The following TRPC3 variants were observed in gnomAD, a reference collection of about 807,000 sequenced individuals.
The protein encoded by TRPC3 is transient receptor potential cation channel subfamily C member 3.
In TRPC3, 54 loss-of-function variants were observed where a neutral mutation model predicts 90.9. The observed-to-expected ratio is 0.59, with a 90% CI of 0.48 to 0.75. The LOEUF is 0.75. TRPC3 is among the 30% of genes least tolerant of loss of function. TRPC3 has a pLI of 0.00. For missense variants in TRPC3, 918 were observed against 1,194.5 expected, an observed-to-expected ratio of 0.77 and a Z score of 3.41; for synonymous variants, 424 against 450.9, an observed-to-expected ratio of 0.94 and a Z score of 0.75.
intron 1 of TRPC3, among the ~76,000 whole-genome samples, chr4:121,935,419 G>GGGGTGT (rs111983914): frequency 2.0e-5 from 3 of 147,240 alleles, no homozygotes; most frequent in African/African-American, 7.6e-5. Context: ...ACATGTGTGG[G>GGGGTGT]GTGTGTGTGT....
chr4:121,884,426 G>A (rs1285162328), intron 10 of TRPC3, among the ~76,000 whole-genome samples: 1 of 152,080 alleles, frequency 6.6e-6, no homozygotes, highest in Non-Finnish European at 1.5e-5. Context: ...TGGTTTCATA[G>A]GTGTGAATGT....
chr4:121,880,389 A>C (rs1375038434), intron 11 of TRPC3, among the ~76,000 whole-genome samples: 1 of 152,212 alleles, frequency 6.6e-6, no homozygotes, highest in Admixed American at 6.5e-5. Context: ...AGGAGTGTTT[A>C]TTAGGGAAGG....
chr4:121,912,048 C>T lies in TRPC3; in HGVS notation c.1387G>A (p.Ala463Thr). 6.2e-7 allele frequency: 1 copy of T among 1,613,752 alleles called. No homozygotes were observed. The highest frequency in any genetic ancestry group is 1.1e-5 in the South Asian group (1 of 91,062). The change falls in exon 5 of 12, where the codon GCA (alanine) becomes ACA (threonine). Residue 463 changes from alanine to threonine, a missense_variant. Ala to Thr is a moderately conservative substitution (Grantham distance 58). Transcript: ENST00000379645. ...CCCAGGAAGATGATGAAAGAAGCTG[C>T]ATGTGCTACAAACTTCATAAAAGGG... The part of the protein sequence containing the change: ...RSPFMKFVAH[A>T]ASFIIFLGLL...
At chr4:121,881,497 T>C (rs1284468191) in intron 11 of TRPC3, among the ~76,000 whole-genome samples, 3 of 152,288 alleles carry the variant, frequency 2.0e-5, no homozygotes, top group African/African-American at 4.8e-5. Context: ...TAGGTCACCA[T>C]GATTAGATTT....
At chr4:121,913,857 T>C (rs2149127286) in intron 4 of TRPC3, among the ~76,000 whole-genome samples, 1 of 152,362 alleles carries the variant, frequency 6.6e-6, no homozygotes, top group African/African-American at 2.4e-5. Context: ...CACACATATA[T>C]GGTGTTTGCA....
intron 3 of TRPC3, among the ~76,000 whole-genome samples, chr4:121,924,515 T>C (rs1729633388): frequency 6.6e-6 from 1 of 152,140 alleles, no homozygotes. Flanking sequence ...CACAAAAAAC[T>C]CTTTTATCAA....
chr4:121,911,452 A>AC (rs1729088809), intron 5 of TRPC3, among the ~76,000 whole-genome samples: 1 of 152,204 alleles, frequency 6.6e-6, no homozygotes, highest in African/African-American at 2.4e-5. Flanking sequence ...TTTGTACCCA[A>AC]CCTAATAACA....
At chr4:121,931,135 G>A (rs1729904170) in intron 2 of TRPC3, among the ~76,000 whole-genome samples, 1 of 152,124 alleles carries the variant, frequency 6.6e-6, no homozygotes. Flanking sequence ...CCATTTTCTT[G>A]CAACACCGGG....
rs1274537269 is a variant in TRPC3 at position 121,910,156 on chromosome 4, T to A, written c.1790A>T (p.Tyr597Phe). The stretch of plus-strand genomic sequence containing the variant: ...GGACCCTGAAGCTAACAACTTACCA[T>A]AAGTGAAATACTGTATCTCTGGTGG... The part of the protein sequence containing the change: ...TLPPEIQYFT[Y>F]ARDKWLPSDP... The change falls in exon 6 of 12, where the codon TAT becomes TTT. Residue 597 changes from tyrosine (Y) to phenylalanine (F), a missense_variant and splice_region_variant. By Grantham distance (22) the Tyr-to-Phe change is conservative (BLOSUM62 3). This residue lies in a region of TRPC3 where 147 missense variants were observed against 263.5 expected (regional missense o/e 0.56). Transcript: ENST00000379645. The A allele has an allele frequency of 6.2e-7, 1 of 1,612,922 alleles. No homozygotes were observed. The highest frequency in any genetic ancestry group is 8.5e-7 in the Non-Finnish European group (1 of 1,179,144).
intron 1 of TRPC3, among the ~76,000 whole-genome samples, chr4:121,935,331 T>C (rs938932108): frequency 5.3e-5 from 8 of 151,954 alleles, no homozygotes; most frequent in Non-Finnish European, 1.2e-4. Flanking sequence ...GGGTATGATG[T>C]GTAGGGGAGA....
intron 3 of TRPC3, 94 bp downstream of exon 3, chr4:121,924,924 G>C (rs1729650663): frequency 3.4e-5 from 46 of 1,368,644 alleles, no homozygotes; most frequent in Non-Finnish European, 4.5e-5. Context: ...CTAGCGTCTA[G>C]TCTTATTATT....
intron 2 of TRPC3, among the ~76,000 whole-genome samples, chr4:121,931,147 C>T: frequency 6.6e-6 from 1 of 152,116 alleles, no homozygotes; most frequent in African/African-American, 2.4e-5. Flanking sequence ...AACACCGGGG[C>T]AAAGTATATT....
In TRPC3 at chr4:121,903,032, A is replaced by C. The variant is rs780473375; in HGVS notation, c.2283T>G (p.Ala761=). The C allele has an allele frequency of 6.2e-7, 1 of 1,613,162 alleles. No homozygotes were observed. Among genetic ancestry groups the C allele is most frequent in the South Asian group, 1.1e-5 (1 of 90,946 alleles). ...AATAGGATAACCAAAGTTTTGAACG[A>C]GCAAACTTCCATTCTACATCACTGT... ...EDDSDVEWKF[A]RSKLWLSYFD... Residue 761 remains alanine (A), a synonymous_variant, in exon 9 of 12, where the codon GCT becomes GCG. Transcript: ENST00000379645.
chr4:121,889,962 T>C (rs948702708), intron 10 of TRPC3, among the ~76,000 whole-genome samples: 1 of 152,154 alleles, frequency 6.6e-6, no homozygotes, highest in African/African-American at 2.4e-5. Context: ...TGGTTGTATA[T>C]ATACACACAG....
chr4:121,911,907 T>C lies in TRPC3; in HGVS notation c.1528A>G (p.Thr510Ala). ...ACCCAGACCATAATTAGCATTTCAG[T>C]CCATGTAAACTGGGTGGTTTTCACC... ...FRVKTTQFTW[T>A]EMLIMVWVLG... Residue 510 changes from threonine to alanine, a missense_variant, in exon 5 of 12, where the codon ACT (threonine) becomes GCT (alanine). This residue lies in a region of TRPC3 where 609 missense variants were observed against 725.9 expected (regional missense o/e 0.84). Coordinates refer to ENST00000379645, the MANE Select transcript of TRPC3 (RefSeq NM_001130698.2). The C allele has an allele frequency of 6.2e-7, 1 of 1,613,652 alleles. No homozygotes were observed. Among genetic ancestry groups the C allele is most frequent in the South Asian group, 1.1e-5 (1 of 90,996 alleles).
intron 11 of TRPC3, 31 bp from the exon 12 acceptor site, chr4:121,879,909 A>G: frequency 6.6e-7 from 1 of 1,510,924 alleles, no homozygotes; most frequent in South Asian, 1.3e-5. Context: ...AATTATTGGT[A>G]AGTTGCTCTT....
At chr4:121,919,428 A>G (rs907230774) in intron 3 of TRPC3, among the ~76,000 whole-genome samples, 1 of 152,238 alleles carries the variant, frequency 6.6e-6, no homozygotes, top group African/African-American at 2.4e-5. Flanking sequence ...TAAAAACTCA[A>G]TGACTTGTGA....
chr4:121,897,741 T>A (rs1728569224), intron 10 of TRPC3, among the ~76,000 whole-genome samples: 1 of 152,000 alleles, frequency 6.6e-6, no homozygotes. Flanking sequence ...TAGAACAGTA[T>A]GGAGGATTTT....
intron 3 of TRPC3, among the ~76,000 whole-genome samples, chr4:121,918,550 T>C (rs1049921673): frequency 1.3e-5 from 2 of 152,226 alleles, no homozygotes; most frequent in Non-Finnish European, 2.9e-5. Context: ...AATCTTTGAC[T>C]TGATGTAACC....
Sources: gnomAD v4.1 joint callset for allele counts (sites outside exome capture counted in the v4.1 genomes callset) on GRCh38, gnomAD v4.1.1 for gene constraint, gnomAD v4.1.1 regional missense constraint, MANE v1.5 for transcripts, NCBI Gene and HGNC (gene_info 2026-07-23, HGNC 2026-07-21) for gene names.